The following ITGA11 variants were observed in gnomAD, a reference collection of about 807,000 sequenced individuals.
The protein encoded by ITGA11 is integrin alpha-11.
In ITGA11, 97 loss-of-function variants were observed where a neutral mutation model predicts 141.9. The ratio of observed to expected loss-of-function variants is 0.68; its 90% CI spans 0.58 to 0.81. ITGA11 has a LOEUF of 0.81. ITGA11 is among the 30% of genes least tolerant of loss of function. The pLI is 0.00. For synonymous variants in ITGA11, 658 were observed against 624.6 expected (o/e 1.05, Z -0.80); for missense variants, 1,387 against 1,559.2 (o/e 0.89, Z 1.86).
At position 68,393,655 on chromosome 15, in the gene ITGA11, C is replaced by T. The variant is rs1191895121; in HGVS notation, c.164+9263G>A. 3.9e-5 allele frequency among the ~76,000 whole-genome samples: 6 copies of T among 152,132 alleles called. No homozygotes were observed. In the South Asian group the frequency reaches 1.0e-3, roughly 26 times the overall value. On this transcript the variant is annotated intron_variant, in intron 2 of 29. Coordinates refer to ENST00000315757, the MANE Select transcript of ITGA11 (RefSeq NM_001004439.2). The stretch of plus-strand genomic sequence containing the variant: ...TTTCAGACAAACGAACAAAAACAAA[C>T]AGAAAACCCAACTCCCAAGGCTGAA...
rs377340267 is a variant in ITGA11 at position 68,307,463 on chromosome 15, G to C, written c.3286-20C>G. 6.5e-7 allele frequency: 1 copy of C among 1,548,594 alleles called. No homozygotes were observed. The highest frequency in any genetic ancestry group is 1.2e-5 in the South Asian group (1 of 84,280). On this transcript the variant is annotated intron_variant, in intron 27 of 29. Coordinates refer to ENST00000315757, the MANE Select transcript of ITGA11 (RefSeq NM_001004439.2). This position sits in a 1 kb window ranked among gnomAD's most constrained non-coding sequence, Gnocchi z 6.1. The stretch of plus-strand genomic sequence containing the variant: ...CTTGAGCTGTGCAATCAGAGGGCTC[G>C]TCAGAAGCTGGCTTGGAAGCTTTTC...
intron 1 of ITGA11, among the ~76,000 whole-genome samples, chr15:68,417,439 C>T (rs574374573): frequency 1.3e-3 from 193 of 152,240 alleles, no homozygotes; most frequent in African/African-American, 4.5e-3. Context: ...TGGACTAAGC[C>T]ATCCTCTTCA....
In ITGA11 at chr15:68,308,573, C is replaced by G. The variant is rs1437216731; in HGVS notation, c.3175-877G>C. On this transcript the variant is annotated intron_variant, in intron 26 of 29. Coordinates refer to ENST00000315757, the MANE Select transcript of ITGA11 (RefSeq NM_001004439.2). The surrounding 1 kb of genome is among the most constrained non-coding windows in gnomAD (Gnocchi z 5.2). ...TGGCTAACACAGTGAAACCCCGTCT[C>G]TATTAAAAAAATACAAAAAATTAGC... Among the ~76,000 whole-genome samples the G allele has an allele frequency of 1.3e-5, 2 of 152,022 alleles. No individual in the cohort carries two copies. The highest frequency in any genetic ancestry group is 2.9e-5 in the Non-Finnish European group (2 of 68,002).
intron 2 of ITGA11, among the ~76,000 whole-genome samples, chr15:68,402,029 A>G (rs2140411862): frequency 7.0e-6 from 1 of 142,278 alleles, no homozygotes; most frequent in Non-Finnish European, 1.5e-5. Context: ...GGAGCATTGA[A>G]CACAAGTAAG....
At chr15:68,399,031 A>G (rs1896398020) in intron 2 of ITGA11, among the ~76,000 whole-genome samples, 1 of 151,992 alleles carries the variant, frequency 6.6e-6, no homozygotes, top group Non-Finnish European at 1.5e-5. Context: ...TAACTCCAAT[A>G]AAAATCTCAG....
At chr15:68,314,912 T>C (rs981638688) in intron 22 of ITGA11, among the ~76,000 whole-genome samples, 6 of 152,208 alleles carry the variant, frequency 3.9e-5, no homozygotes, top group African/African-American at 1.4e-4. Context: ...TAAGGATTTT[T>C]GCCATTTATA....
At chr15:68,360,439 C>G (rs547093086) in intron 5 of ITGA11, among the ~76,000 whole-genome samples, 24 of 152,176 alleles carry the variant, frequency 1.6e-4, no homozygotes, top group Non-Finnish European at 3.2e-4. Context: ...GGTTCCTAAA[C>G]ATGGCTGAAC....
rs1567131815 is a variant in ITGA11, at chr15:68,330,968, CG to C, written c.1901+12del. The stretch of plus-strand genomic sequence containing the variant: ...AGGAGAGCCCAGGAGGTGGGAACAG[CG>C]GGGGAACCAACCACAGAATCACAGC... On this transcript the variant is annotated intron_variant, in intron 15 of 29. Coordinates refer to ENST00000315757, the MANE Select transcript of ITGA11 (RefSeq NM_001004439.2). 5 of 1,613,400 alleles carry C rather than the reference CG, an allele frequency of 3.1e-6. No homozygotes were observed. Among genetic ancestry groups the C allele is most frequent in the African/African-American group, 1.3e-5 (1 of 74,908 alleles).
chr15:68,377,251 G>A (rs548577246), intron 2 of ITGA11, among the ~76,000 whole-genome samples: 1 of 152,164 alleles, frequency 6.6e-6, no homozygotes, highest in African/African-American at 2.4e-5. Context: ...TGTTCATGTT[G>A]CAGAACTGTG....
intron 7 of ITGA11, among the ~76,000 whole-genome samples, chr15:68,352,478 C>T (rs1471559158): frequency 6.6e-6 from 1 of 152,124 alleles, no homozygotes; most frequent in Admixed American, 6.5e-5. Flanking sequence ...CAGCTGTGAG[C>T]CACCGTGCCG....
intron 3 of ITGA11, among the ~76,000 whole-genome samples, chr15:68,367,403 T>C (rs1185136021): frequency 2.0e-5 from 3 of 152,178 alleles, no homozygotes; most frequent in Non-Finnish European, 4.4e-5. Flanking sequence ...CAGGGCAGAC[T>C]TGTTCCTACC....
At chr15:68,362,537 ATGGATGGATAAG>A (rs1173393631) in intron 4 of ITGA11, among the ~76,000 whole-genome samples, 1 of 152,228 alleles carries the variant, frequency 6.6e-6, no homozygotes. Context: ...GGATAGATGG[ATGGATGGATAAG>A]TGGATGGATA....
At chr15:68,395,738 T>TGGGGGGGGGGGGG (rs1896221114) in intron 2 of ITGA11, among the ~76,000 whole-genome samples, 1 of 71,498 alleles carries the variant, frequency 1.4e-5, no homozygotes, top group Non-Finnish European at 3.4e-5. Context: ...GGTGGGGGGC[T>TGGGGGGGGGGGGG]GGGGGAGGGA....
At chr15:68,372,832 C>T (rs1895630089) in intron 2 of ITGA11, among the ~76,000 whole-genome samples, 1 of 152,198 alleles carries the variant, frequency 6.6e-6, no homozygotes, top group South Asian at 2.1e-4. Context: ...CTGAATTCTG[C>T]TTATCCTCAG....
chr15:68,373,362 G>T (rs1473078433), intron 2 of ITGA11, among the ~76,000 whole-genome samples: 1 of 152,232 alleles, frequency 6.6e-6, no homozygotes, highest in Non-Finnish European at 1.5e-5. Context: ...ACAGTCTGCA[G>T]CAGGAGCAAC....
At chr15:68,348,964 C>T in intron 9 of ITGA11, 64 bp from the exon 10 acceptor site, 2 of 1,392,282 alleles carry the variant, frequency 1.4e-6, no homozygotes. Context: ...GACAGATCTG[C>T]TGCCCAACCC....
chr15:68,432,038 G>A lies in ITGA11; in HGVS notation c.29C>T (p.Ala10Val). 1 of 1,344,964 alleles carries A rather than the reference G, an allele frequency of 7.4e-7. No individual in the cohort carries two copies. Among genetic ancestry groups the A allele is most frequent in the Non-Finnish European group, 9.6e-7 (1 of 1,046,486 alleles). The allele number at this position is 1,344,964 out of a possible 1,614,324, so 83.3% of individuals were successfully genotyped here. A position where few individuals can be genotyped will look rare whatever the true frequency, so the allele number is the denominator to read the frequency against. Reference sequence around the variant, plus strand: ...ACCTGGCCACAGGCTGAGCGCCCAGGCCACCACCAGGCCCCTGGGCAGGTC... The same window carrying A: ...ACCTGGCCACAGGCTGAGCGCCCAGACCACCACCAGGCCCCTGGGCAGGTC... MDLPRGLVV[A>V]WALSLWPGFT... Residue 10 changes from alanine (A) to valine (V), a missense_variant, in exon 1 of 30, where the codon GCC becomes GTC. Physicochemically the swap from Ala to Val is moderately conservative, Grantham distance 64. Transcript: ENST00000315757.
chr15:68,417,588 C>T (rs183081194), intron 1 of ITGA11, among the ~76,000 whole-genome samples: 10 of 152,312 alleles, frequency 6.6e-5, no homozygotes, highest in East Asian at 1.9e-4. Flanking sequence ...TTAAAGCCCC[C>T]GAGAGTTCCT....
chr15:68,420,666 G>A lies in ITGA11; in HGVS notation c.52+11349C>T, dbSNP rs148779505. The stretch of plus-strand genomic sequence containing the variant: ...GGGATTTCTAGCAACTGTGGCAGGC[G>A]GGTGGGGAGATTTTAACTGATTGAT... On this transcript the variant is annotated intron_variant, in intron 1 of 29. Transcript: ENST00000315757. Among the ~76,000 whole-genome samples, 179 of 152,278 alleles carry A rather than the reference G, an allele frequency of 1.2e-3. 1 individual carries two copies. Among genetic ancestry groups the A allele is most frequent in the African/African-American group, 4.1e-3 (172 of 41,544 alleles).
Sources: allele counts gnomAD v4.1 joint callset (sites outside exome capture counted in the v4.1 genomes callset), GRCh38; gene constraint gnomAD v4.1.1; non-coding constraint Gnocchi (gnomAD v3.1); transcripts MANE v1.5; gene names NCBI Gene and HGNC (gene_info 2026-07-23, HGNC 2026-07-21).